The following PAFAH2 variants were observed in gnomAD, a reference collection of about 807,000 sequenced individuals.
The protein encoded by PAFAH2 is platelet activating factor acetylhydrolase 2.
In PAFAH2, 42 loss-of-function variants were observed where a neutral mutation model predicts 49.0. The observed-to-expected ratio is 0.86, with a 90% confidence interval of 0.67 to 1.11. PAFAH2 has a LOEUF of 1.11. Ranked by LOEUF, PAFAH2 falls within the 50% of genes least tolerant of loss-of-function variation. The probability of loss-of-function intolerance (pLI) is 0.00; values close to 1 mark genes in which losing one functional copy is unlikely to be tolerated. For synonymous variants in PAFAH2, 184 were observed against 181.3 expected (o/e 1.01, Z -0.12); for missense variants, 503 against 501.8 (o/e 1.00, Z -0.02).
chr1:25,977,279 G>T (rs1398589574), intron 7 of PAFAH2, among the ~76,000 whole-genome samples: 1 of 151,160 alleles, frequency 6.6e-6, no homozygotes, highest in South Asian at 2.1e-4. Context: ...GATTACAGGC[G>T]TGAGCCACCG....
intron 10 of PAFAH2, among the ~76,000 whole-genome samples, chr1:25,964,472 G>T (rs888589452): frequency 2.0e-5 from 3 of 152,194 alleles, no homozygotes; most frequent in Non-Finnish European, 4.4e-5. Context: ...TTGGGAGGCT[G>T]AGGCAGGAGG....
In PAFAH2 at chr1:25,965,863, A is replaced by G. The variant is rs868779837; in HGVS notation, c.1085-3780T>C. On this transcript the variant is annotated intron_variant, in intron 10 of 10. Coordinates refer to ENST00000374282, the MANE Select transcript of PAFAH2 (RefSeq NM_000437.4). ...AAAAAAAGAATCTACAAGGAACTCA[A>G]ACAACTCAACAAGAAAAAAAAAAAC... is the stretch of plus-strand genomic sequence containing the variant. Among the ~76,000 whole-genome samples, 18 of 110,162 alleles carry G rather than the reference A, an allele frequency of 1.6e-4. No individual in the cohort carries two copies. In the South Asian group the frequency reaches 1.9e-3, roughly 12 times the overall value. 72.3% of individuals were successfully genotyped at this position (110,162 alleles called of 152,430 possible). A position where few individuals can be genotyped will look rare whatever the true frequency, so the allele number is the denominator to read the frequency against.
intron 10 of PAFAH2, among the ~76,000 whole-genome samples, chr1:25,964,773 A>G (rs927166321): frequency 1.3e-5 from 2 of 152,358 alleles, no homozygotes; most frequent in East Asian, 3.9e-4. Context: ...AGATGACACA[A>G]ACAAATGGAA....
At chr1:25,988,201 T>C in intron 4 of PAFAH2, 30 bp downstream of exon 4, 3 of 1,428,788 alleles carry the variant, frequency 2.1e-6, no homozygotes, top group Non-Finnish European at 2.9e-6. Context: ...GCAAGGAGTA[T>C]GGCAAGGTCT....
intron 6 of PAFAH2, among the ~76,000 whole-genome samples, chr1:25,983,115 G>A (rs1252333860): frequency 2.0e-5 from 3 of 152,144 alleles, no homozygotes; most frequent in Non-Finnish European, 4.4e-5. Flanking sequence ...TTCTGACTGG[G>A]TGCCGTGGCT....
chr1:25,988,720 T>C (rs554321975), intron 3 of PAFAH2, among the ~76,000 whole-genome samples: 2 of 141,494 alleles, frequency 1.4e-5, no homozygotes, highest in Non-Finnish European at 3.0e-5. Flanking sequence ...GGAGAATCAC[T>C]TGCACCCTGG....
Position 25,959,959 on chromosome 1 carries a change from C to A in PAFAH2, c.*2030G>T, listed in dbSNP as rs762330600. ...TCATGTTTGGAAGGTAGGAAATATA[C>A]TTTTAAGTAACCCATGGGTTATACA... On this transcript the variant is annotated 3_prime_UTR_variant, in exon 11 of 11. Transcript: ENST00000374282. The A allele has an allele frequency of 6.6e-6, 1 of 152,164 alleles. No homozygotes were observed. The highest frequency in any genetic ancestry group is 2.4e-5 in the African/African-American group (1 of 41,446). 9.4% of individuals were successfully genotyped at this position (152,164 alleles called of 1,614,324 possible).
At chr1:25,989,901 T>C (rs2049848930) in intron 2 of PAFAH2, among the ~76,000 whole-genome samples, 1 of 152,184 alleles carries the variant, frequency 6.6e-6, no homozygotes, top group African/African-American at 2.4e-5. Flanking sequence ...AATCTGGCCC[T>C]GAACCTAGGC....
chr1:25,962,214 G>A, intron 10 of PAFAH2, 131 bp from the exon 11 acceptor site: 1 of 645,658 alleles, frequency 1.5e-6, no homozygotes, highest in Non-Finnish European at 2.7e-6. Flanking sequence ...GTTTTGGTGG[G>A]GTTGTGTGGT....
At chr1:25,964,670 GAACAA>G (rs202010961) in intron 10 of PAFAH2, among the ~76,000 whole-genome samples, 1 of 151,582 alleles carries the variant, frequency 6.6e-6, no homozygotes, top group Non-Finnish European at 1.5e-5. Context: ...ACAAAAACAA[GAACAA>G]AACAAAACAA....
At chr1:25,995,986 CTG>C (rs2049931327) in intron 1 of PAFAH2, among the ~76,000 whole-genome samples, 1 of 151,822 alleles carries the variant, frequency 6.6e-6, no homozygotes, top group African/African-American at 2.4e-5. Context: ...AATTCTACCC[CTG>C]TCACTTATTA....
intron 1 of PAFAH2, among the ~76,000 whole-genome samples, chr1:25,993,285 G>A (rs1465907195): frequency 6.6e-6 from 1 of 152,178 alleles, no homozygotes; most frequent in African/African-American, 2.4e-5. Flanking sequence ...CCTTTAAGAT[G>A]CTCTGGGAGG....
chr1:25,962,118 C>T, intron 10 of PAFAH2, 35 bp from the exon 11 acceptor site: 2 of 1,545,090 alleles, frequency 1.3e-6, no homozygotes, highest in Non-Finnish European at 1.8e-6. Context: ...TTAGGCAAAT[C>T]ATTGTGAGGT....
At chr1:25,978,955 C>T (rs2049637588) in intron 7 of PAFAH2, among the ~76,000 whole-genome samples, 1 of 152,226 alleles carries the variant, frequency 6.6e-6, no homozygotes, top group Admixed American at 6.5e-5. Flanking sequence ...CAAACTTTTG[C>T]CATAACAAAC....
chr1:25,972,521 C>A (rs1000836798), intron 10 of PAFAH2, 37 bp downstream of exon 10: 5 of 1,599,646 alleles, frequency 3.1e-6, no homozygotes, highest in African/African-American at 1.3e-5. Context: ...TCTAAGGGAC[C>A]CCACAGCTGC....
rs1480524276 is a variant in PAFAH2 at position 25,990,665 on chromosome 1, C to G, written c.90+62G>C. 3.0e-6 allele frequency: 4 copies of G among 1,341,232 alleles called. No individual in the cohort carries two copies. The East Asian group carries it at 9.2e-5, about 31-fold the overall frequency. 83.1% of individuals were successfully genotyped at this position (1,341,232 alleles called of 1,614,324 possible). The stretch of plus-strand genomic sequence containing the variant: ...GGGAATACAGGATCAGACTTGTGAT[C>G]AGTAAGTCACGGTGCCGGCAGAAGC... On this transcript the variant is annotated intron_variant, in intron 2 of 10. Transcript: ENST00000374282.
chr1:25,965,940 G>GA (rs1163347480), intron 10 of PAFAH2, among the ~76,000 whole-genome samples: 2 of 109,262 alleles, frequency 1.8e-5, no homozygotes, highest in African/African-American at 7.2e-5. Flanking sequence ...CTCAAAAAAA[G>GA]AAAAAAGTGG....
At chr1:25,990,619 C>T (rs1224211073) in intron 2 of PAFAH2, 108 bp downstream of exon 2, 10 of 897,440 alleles carry the variant, frequency 1.1e-5, no homozygotes, top group Admixed American at 1.1e-4. Context: ...CAGACCCGCT[C>T]TAATTCATTT....
chr1:25,974,591 G>A lies in PAFAH2; in HGVS notation c.818C>T (p.Ala273Val). The A allele has an allele frequency of 6.2e-7, 1 of 1,614,102 alleles. No individual in the cohort carries two copies. Among genetic ancestry groups the A allele is most frequent in the Non-Finnish European group, 8.5e-7 (1 of 1,179,970 alleles). The change falls in exon 9 of 11, where the codon GCC becomes GTC. Residue 273 changes from alanine to valine, a missense_variant. Ala to Val is a moderately conservative substitution (Grantham distance 64). Transcript: ENST00000374282. Reference protein sequence around the residue: ...FPLERDFYPKARGPVFFINTE... With the variant: ...FPLERDFYPKVRGPVFFINTE... ...ATTGATAAAGAACACAGGTCCTCGGGCCTTGGGGTAAAAGTCACGTTCCAG... is the reference window on the plus strand; with the variant it reads ...ATTGATAAAGAACACAGGTCCTCGGACCTTGGGGTAAAAGTCACGTTCCAG...
Sources: allele counts gnomAD v4.1 joint callset (sites outside exome capture counted in the v4.1 genomes callset), GRCh38; gene constraint gnomAD v4.1.1; transcripts MANE v1.5; gene names NCBI Gene and HGNC (gene_info 2026-07-23, HGNC 2026-07-21).